Variants in SLC24A2 observed in about 807,000 individuals in gnomAD.
SLC24A2 encodes the protein sodium/potassium/calcium exchanger 2.
In SLC24A2, 36 loss-of-function variants were observed where a neutral mutation model predicts 62.0. That is an observed-to-expected ratio of 0.58 (90% CI 0.44 to 0.77). The LOEUF (loss-of-function observed/expected upper bound fraction) is 0.77. SLC24A2 is among the 30% of genes least tolerant of loss of function. SLC24A2 has a pLI of 0.00. For missense variants in SLC24A2, 846 were observed against 817.9 expected (o/e 1.03, Z -0.42); for synonymous variants, 358 against 294.0 (o/e 1.22, Z -2.23).
At chr9:20,095,017 G>T in the SLC24A2 span, among the ~76,000 whole-genome samples, 1 of 152,106 alleles carries the variant, frequency 6.6e-6, no homozygotes, top group Non-Finnish European at 1.5e-5. Flanking sequence ...ATATTTGTGT[G>T]ATGATAGATT....
chr9:19,905,477 A>C, the SLC24A2 span, among the ~76,000 whole-genome samples: 1 of 147,288 alleles, frequency 6.8e-6, no homozygotes, highest in Non-Finnish European at 1.5e-5. Flanking sequence ...GGTGTGATCT[A>C]GGCTCAACAC....
Position 19,647,060 on chromosome 9 carries a change from ACACG to A in SLC24A2, c.931-24765_931-24762del, listed in dbSNP as rs1390476743. Among the ~76,000 whole-genome samples the A allele has an allele frequency of 4.5e-3, 147 of 32,496 alleles. 2 individuals are homozygous for A. Among genetic ancestry groups the A allele is most frequent in the African/African-American group, 0.02 (141 of 6,916 alleles). The allele number at this position is 32,496 out of a possible 152,430, so 21.3% of individuals were successfully genotyped here. ...TCTCTCTCTCTTTCCACACACACAC[ACACG>A]CGCGCACACACACACACACACACAC... is the stretch of plus-strand genomic sequence containing the variant. On this transcript the variant is annotated intron_variant, in intron 2 of 10. Coordinates refer to ENST00000341998, the MANE Select transcript of SLC24A2 (RefSeq NM_020344.4).
At chr9:19,906,437 C>T in the SLC24A2 span, among the ~76,000 whole-genome samples, 1 of 151,566 alleles carries the variant, frequency 6.6e-6, no homozygotes, top group Admixed American at 6.6e-5. Context: ...CAAGAGCAAA[C>T]ACATTCAAAA....
the SLC24A2 span, among the ~76,000 whole-genome samples, chr9:19,825,165 C>T: frequency 6.6e-6 from 1 of 152,088 alleles, no homozygotes; most frequent in Non-Finnish European, 1.5e-5. Context: ...TGCACATGTA[C>T]CCCAGAACTT....
intron 2 of SLC24A2, among the ~76,000 whole-genome samples, chr9:19,697,121 CAT>C (rs1257930541): frequency 6.6e-5 from 10 of 152,190 alleles, no homozygotes; most frequent in Admixed American, 2.0e-4. Context: ...AAAAAAATAA[CAT>C]GTTAGTCAAT....
At chr9:20,225,190 T>C in the SLC24A2 span, among the ~76,000 whole-genome samples, 1 of 152,098 alleles carries the variant, frequency 6.6e-6, no homozygotes, top group Non-Finnish European at 1.5e-5. Flanking sequence ...CTTGTGTATG[T>C]ATATTGAGTT....
intron 2 of SLC24A2, among the ~76,000 whole-genome samples, chr9:19,661,157 T>C (rs752831714): frequency 2.0e-5 from 3 of 151,848 alleles, no homozygotes; most frequent in Non-Finnish European, 4.4e-5. Flanking sequence ...AGAAACACGG[T>C]AAAAAATCTT....
chr9:20,131,156 C>G, the SLC24A2 span, among the ~76,000 whole-genome samples: 31 of 152,224 alleles, frequency 2.0e-4, no homozygotes, highest in African/African-American at 7.5e-4. Context: ...AGAAGCAATA[C>G]GCGCCCTGTG....
chr9:19,636,779 G>C (rs1391868055), intron 2 of SLC24A2, among the ~76,000 whole-genome samples: 2 of 151,996 alleles, frequency 1.3e-5, no homozygotes, highest in African/African-American at 4.8e-5. Flanking sequence ...AATTTAGGTG[G>C]GGGGACAGTT....
intron 2 of SLC24A2, among the ~76,000 whole-genome samples, chr9:19,668,050 G>A (rs768876146): frequency 6.6e-6 from 1 of 151,944 alleles, no homozygotes; most frequent in East Asian, 1.9e-4. Flanking sequence ...TGGCCACATT[G>A]GAAGCTCCTT....
At chr9:20,097,805 C>T in the SLC24A2 span, among the ~76,000 whole-genome samples, 2 of 124,598 alleles carry the variant, frequency 1.6e-5, no homozygotes, top group African/African-American at 3.0e-5. Context: ...TGCAGTGGCG[C>T]GATCTCGACT....
the SLC24A2 span, among the ~76,000 whole-genome samples, chr9:20,171,776 A>G: frequency 6.6e-6 from 1 of 152,108 alleles, no homozygotes; most frequent in Non-Finnish European, 1.5e-5. Flanking sequence ...GGGGACTTCA[A>G]TGCTCCACTG....
At chr9:19,532,015 C>G (rs1028312406) in intron 8 of SLC24A2, among the ~76,000 whole-genome samples, 4 of 152,128 alleles carry the variant, frequency 2.6e-5, no homozygotes, top group African/African-American at 7.2e-5. Context: ...TCTGCAGATG[C>G]CCAAATCCAT....
At position 19,636,312 on chromosome 9, in the gene SLC24A2, T is replaced by TCC; in HGVS notation, c.931-14014_931-14013insGG. On this transcript the variant is annotated intron_variant, in intron 2 of 10. Transcript: ENST00000341998. ...TTCTTTTCTTTTCTTTTCTTTTCTT[T>TCC]TCTTTTCTTTCTTTCTTTCTTTCTT... is the stretch of plus-strand genomic sequence containing the variant. 1.5e-4 allele frequency among the ~76,000 whole-genome samples: 2 copies of TCC among 13,750 alleles called. 1 individual carries two copies. The highest frequency in any genetic ancestry group is 7.8e-4 in the African/African-American group (2 of 2,548). 9.0% of individuals were successfully genotyped at this position (13,750 alleles called of 152,430 possible).
the SLC24A2 span, among the ~76,000 whole-genome samples, chr9:20,095,722 A>G: frequency 2.6e-5 from 4 of 151,930 alleles, no homozygotes; most frequent in Admixed American, 1.3e-4. Context: ...GTTCGTTTTC[A>G]TGCTGTTAAT....
chr9:20,016,813 G>A, the SLC24A2 span, among the ~76,000 whole-genome samples: 2 of 152,234 alleles, frequency 1.3e-5, no homozygotes, highest in Non-Finnish European at 1.5e-5. Flanking sequence ...TCTCTGAAGA[G>A]GAGAGTGAAA....
intron 5 of SLC24A2, among the ~76,000 whole-genome samples, chr9:19,592,440 T>G (rs1387366763): frequency 1.3e-5 from 2 of 152,262 alleles, no homozygotes; most frequent in Middle Eastern, 3.4e-3. Flanking sequence ...CCCCACATAT[T>G]GCTTCATTGC....
the SLC24A2 span, among the ~76,000 whole-genome samples, chr9:20,031,351 T>TTATATATATA: frequency 3.5e-5 from 5 of 141,642 alleles, no homozygotes; most frequent in African/African-American, 1.3e-4. Context: ...TACACACACT[T>TTATATATATA]TATATATATA....
At chr9:20,255,754 T>C in the SLC24A2 span, among the ~76,000 whole-genome samples, 3 of 152,318 alleles carry the variant, frequency 2.0e-5, no homozygotes, top group South Asian at 2.1e-4. Flanking sequence ...TACTGATCAA[T>C]GCAGTCATAG....
Sources: allele counts gnomAD v4.1 joint callset (sites outside exome capture counted in the v4.1 genomes callset), GRCh38; gene constraint gnomAD v4.1.1; transcripts MANE v1.5; gene names NCBI Gene and HGNC (gene_info 2026-07-23, HGNC 2026-07-21).